Variants in FBXO47 observed in about 807,000 individuals in gnomAD.
The protein encoded by FBXO47 is F-box only protein 47.
A neutral mutation model predicts 53.9 loss-of-function variants in FBXO47; 34 were observed. The observed-to-expected ratio is 0.63, with a 90% CI of 0.48 to 0.84. FBXO47 has a LOEUF of 0.84. Ranked by LOEUF, FBXO47 falls within the 40% of genes least tolerant of loss-of-function variation. FBXO47 has a pLI of 0.00. For synonymous variants in FBXO47, 165 were observed against 181.6 expected (o/e 0.91, Z 0.73); for missense variants, 485 against 541.3 (o/e 0.90, Z 1.03).
rs1915584131 is a variant in FBXO47 at position 38,936,537 on chromosome 17, A to G, written c.*638T>C. The stretch of plus-strand genomic sequence containing the variant: ...AGACAATATATACCTTCCTGTATGT[A>G]TAGACCTTTTGTATGATTACCTTAA... On this transcript the variant is annotated 3_prime_UTR_variant, in exon 11 of 11. Transcript: ENST00000378079. 1 of 152,150 alleles carries G rather than the reference A, an allele frequency of 6.6e-6. No individual in the cohort carries two copies. The highest frequency in any genetic ancestry group is 6.6e-5 in the Admixed American group (1 of 15,260). 9.4% of individuals were successfully genotyped at this position (152,150 alleles called of 1,614,324 possible). A position where few individuals can be genotyped will look rare whatever the true frequency, so the allele number is the denominator to read the frequency against.
chr17:38,946,817 AATAT>A (rs1273915196), intron 6 of FBXO47, among the ~76,000 whole-genome samples: 2 of 80,574 alleles, frequency 2.5e-5, no homozygotes, highest in African/African-American at 5.7e-5. Flanking sequence ...AACATATATA[AATAT>A]ATAAATATAT....
intron 1 of FBXO47, among the ~76,000 whole-genome samples, chr17:38,966,968 A>G: frequency 6.6e-6 from 1 of 152,104 alleles, no homozygotes; most frequent in African/African-American, 2.4e-5. Flanking sequence ...CAATTGGATG[A>G]ACCTCCCCGC....
In FBXO47 at chr17:38,936,459, T is replaced by C. The variant is rs1302327024; in HGVS notation, c.*716A>G. On this transcript the variant is annotated 3_prime_UTR_variant, in exon 11 of 11. Coordinates refer to ENST00000378079, the MANE Select transcript of FBXO47 (RefSeq NM_001008777.3). ...TATTTTCTTTCATTTTATTTTTCTC[T>C]TATTTGCTACATTTTATTTGAATCC... The C allele has an allele frequency of 3.9e-5, 6 of 152,314 alleles. No homozygotes were observed. The highest frequency in any genetic ancestry group is 1.4e-4 in the African/African-American group (6 of 41,572). The allele number at this position is 152,314 out of a possible 1,614,324, so 9.4% of individuals were successfully genotyped here. A position where few individuals can be genotyped will look rare whatever the true frequency, so the allele number is the denominator to read the frequency against.
intron 1 of FBXO47, 127 bp from the exon 2 acceptor site, chr17:38,963,178 G>T (rs1905907928): frequency 1.7e-6 from 1 of 589,778 alleles, no homozygotes; most frequent in South Asian, 2.4e-5. Context: ...ATTTGCAAAA[G>T]ATTTTTGGTT....
At position 38,937,071 on chromosome 17, in the gene FBXO47, T is replaced by TA; in HGVS notation, c.*103dup. 2.1e-6 allele frequency: 1 copy of TA among 469,242 alleles called. No homozygotes were observed. Among genetic ancestry groups the TA allele is most frequent in the Non-Finnish European group, 3.8e-6 (1 of 260,030 alleles). The allele number at this position is 469,242 out of a possible 1,614,324, so 29.1% of individuals were successfully genotyped here. The stretch of plus-strand genomic sequence containing the variant: ...CCAGCTTTTGAATTCTTAGGTTACT[T>TA]AGATGATAAAAAGTCCCATGGATGC... On this transcript the variant is annotated 3_prime_UTR_variant, in exon 11 of 11. Transcript: ENST00000378079.
chr17:38,963,836 GC>G (rs1905955304), intron 1 of FBXO47, among the ~76,000 whole-genome samples: 1 of 105,246 alleles, frequency 9.5e-6, no homozygotes, highest in Non-Finnish European at 1.8e-5. Context: ...TTGCTCTGTT[GC>G]CCAGGCTGGA....
At chr17:38,963,652 G>C (rs964211262) in intron 1 of FBXO47, among the ~76,000 whole-genome samples, 83 of 152,038 alleles carry the variant, frequency 5.5e-4, no homozygotes, top group Non-Finnish European at 1.0e-4. Context: ...TATAGGCTGG[G>C]TATGGTGGCT....
intron 6 of FBXO47, among the ~76,000 whole-genome samples, chr17:38,945,935 C>CAAAAAAAAAAAA (rs34412322): frequency 3.2e-5 from 3 of 94,596 alleles, no homozygotes; most frequent in East Asian, 2.9e-4. Context: ...GACTCTGGCT[C>CAAAAAAAAAAAA]AAAAAAAAAA....
chr17:38,947,095 C>CATATATATATAAACAT (rs1182325303), intron 6 of FBXO47, among the ~76,000 whole-genome samples: 4 of 130,820 alleles, frequency 3.1e-5, no homozygotes, highest in African/African-American at 1.2e-4. Flanking sequence ...TATATATAAA[C>CATATATATATAAACAT]ATATATATAA....
Position 38,938,729 on chromosome 17 carries a change from A to G in FBXO47, c.1087T>C (p.Cys363Arg). ...ARLVVFLALV[C>R]EKELYCMDWT... ...TCCATGCAGTACAGTTCTTTCTCAC[A>G]CACCTGATTTAGACATATAAAGCGC... is the stretch of plus-strand genomic sequence containing the variant. The change falls in exon 10 of 11, where the codon TGT becomes CGT. Residue 363 changes from cysteine to arginine, a missense_variant. By Grantham distance (180) the Cys-to-Arg change is radical. Transcript: ENST00000378079. 6.3e-7 allele frequency: 1 copy of G among 1,583,184 alleles called. No individual in the cohort carries two copies. Among genetic ancestry groups the G allele is most frequent in the South Asian group, 1.1e-5 (1 of 88,826 alleles).
chr17:38,966,751 AT>A (rs1041449191), intron 1 of FBXO47, among the ~76,000 whole-genome samples: 1 of 152,224 alleles, frequency 6.6e-6, no homozygotes, highest in Non-Finnish European at 1.5e-5. Flanking sequence ...ATAGTTCCTT[AT>A]TTTCCTCACT....
At chr17:38,946,478 CTATATAAA>C (rs1904859955) in intron 6 of FBXO47, among the ~76,000 whole-genome samples, 1 of 60,550 alleles carries the variant, frequency 1.7e-5, no homozygotes, top group Non-Finnish European at 2.6e-5. Context: ...ATATATATAA[CTATATAAA>C]TATATATGAA....
chr17:38,944,909 A>C, intron 7 of FBXO47, 51 bp downstream of exon 7: 1 of 1,437,732 alleles, frequency 7.0e-7, no homozygotes, highest in East Asian at 2.4e-5. Context: ...TGCTTCCTAA[A>C]GTAAAAATAA....
chr17:38,959,310 C>A (rs1028238089), intron 3 of FBXO47, among the ~76,000 whole-genome samples: 1 of 151,930 alleles, frequency 6.6e-6, no homozygotes, highest in African/African-American at 2.4e-5. Flanking sequence ...TGGCCGAGTA[C>A]GGTGGCTCAC....
chr17:38,948,792 A>G (rs992764938), intron 6 of FBXO47, among the ~76,000 whole-genome samples: 1 of 152,068 alleles, frequency 6.6e-6, no homozygotes, highest in Admixed American at 6.6e-5. Flanking sequence ...TCTGGGATAC[A>G]TGGGCAGAAC....
At chr17:38,950,899 A>G (rs929304065) in intron 6 of FBXO47, among the ~76,000 whole-genome samples, 1 of 151,610 alleles carries the variant, frequency 6.6e-6, no homozygotes, top group Non-Finnish European at 1.5e-5. Flanking sequence ...GTGTGCCACA[A>G]TTTATTTTAT....
intron 3 of FBXO47, among the ~76,000 whole-genome samples, chr17:38,959,449 G>T (rs1905709742): frequency 6.6e-6 from 1 of 151,588 alleles, no homozygotes; most frequent in Non-Finnish European, 1.5e-5. Context: ...ACATGGTGGT[G>T]CATGCCTGTA....
chr17:38,954,166 C>T (rs901705043), intron 5 of FBXO47, among the ~76,000 whole-genome samples: 2 of 151,830 alleles, frequency 1.3e-5, no homozygotes, highest in African/African-American at 2.4e-5. Context: ...GGCGTGGTGG[C>T]GGGCACCTGT....
Position 38,954,913 on chromosome 17 carries a change from A to G in FBXO47, c.450T>C (p.Asn150=), listed in dbSNP as rs1270988094. 1.2e-6 allele frequency: 2 copies of G among 1,611,330 alleles called. No homozygotes were observed. Among genetic ancestry groups the G allele is most frequent in the African/African-American group, 1.3e-5 (1 of 74,796 alleles). ...AACACTGCATAGGAGCTGCACAGCC[A>G]TTGAATTTAAAGCAGGAAACCTGTA... ...ILTEVSCFKF[N]GCAAPMQCLG... The change falls in exon 5 of 11, where the codon AAT becomes AAC. Residue 150 remains asparagine, a synonymous_variant. Transcript: ENST00000378079.
Sources: gnomAD v4.1 joint callset for allele counts (sites outside exome capture counted in the v4.1 genomes callset) on GRCh38, gnomAD v4.1.1 for gene constraint, MANE v1.5 for transcripts, NCBI Gene and HGNC (gene_info 2026-07-23, HGNC 2026-07-21) for gene names.